NHS: variants seen among roughly 807,000 people sequenced by gnomAD.
NHS encodes the protein NHS actin remodeling regulator.
A neutral mutation model predicts 72.5 loss-of-function variants in NHS; 5 were observed. That is an observed-to-expected ratio of 0.07 (90% CI 0.04 to 0.14). The LOEUF (loss-of-function observed/expected upper bound fraction) is 0.14, where lower values mean the gene tolerates loss of function less well. Ranked by LOEUF, NHS falls within the 10% of genes least tolerant of loss-of-function variation. NHS has a pLI of 1.00. For missense variants in NHS, 1,072 were observed against 1,355.7 expected, an observed-to-expected ratio of 0.79 and a Z score of 3.29; for synonymous variants, 464 against 547.7, an observed-to-expected ratio of 0.85 and a Z score of 2.13.
chrX:17,628,229 T>G (rs1308637650), intron 1 of NHS, among the ~76,000 whole-genome samples: 3 of 112,396 alleles, frequency 2.7e-5, no homozygotes, highest in Non-Finnish European at 5.6e-5. Context: ...CTCTGCCAAG[T>G]GGAAGGTTCC....
chrX:17,729,535 A>C (rs2066473520), intron 8 of NHS, among the ~76,000 whole-genome samples: 1 of 112,182 alleles, frequency 8.9e-6, no homozygotes, highest in African/African-American at 3.2e-5. Flanking sequence ...CCCCAAAATT[A>C]ATGCCCATAT....
chrX:17,571,583 GTCTA>G (rs745456591), intron 1 of NHS, among the ~76,000 whole-genome samples: 42 of 111,543 alleles, frequency 3.8e-4, no homozygotes, highest in African/African-American at 6.5e-4. Context: ...CTTGCTAGTG[GTCTA>G]TCTGTTTTGT....
At chrX:17,630,867 A>T (rs1305704768) in intron 1 of NHS, among the ~76,000 whole-genome samples, 1 of 111,990 alleles carries the variant, frequency 8.9e-6, no homozygotes, top group Non-Finnish European at 1.9e-5. Flanking sequence ...CTTTAAAAAT[A>T]CAGATTCCCA....
chrX:17,557,417 A>G (rs1254662080), intron 1 of NHS: 1 of 109,204 alleles, frequency 9.2e-6, no homozygotes, highest in Non-Finnish European at 1.9e-5. Context: ...TGATGAAGGT[A>G]GAATACAAGG....
At chrX:17,685,005 C>A (rs1303584032) in intron 1 of NHS, among the ~76,000 whole-genome samples, 2 of 112,254 alleles carry the variant, frequency 1.8e-5, no homozygotes, top group African/African-American at 6.5e-5. Flanking sequence ...CATGGTGAAC[C>A]CGAAGATGCA....
chrX:17,386,149 C>T (rs2064406989), intron 1 of NHS, among the ~76,000 whole-genome samples: 1 of 112,088 alleles, frequency 8.9e-6, no homozygotes, highest in Non-Finnish European at 1.9e-5. Flanking sequence ...GTTCTGGTGT[C>T]TCATGTCATA....
chrX:17,717,888 T>C (rs2066373726), intron 3 of NHS, among the ~76,000 whole-genome samples: 1 of 111,759 alleles, frequency 8.9e-6, no homozygotes, highest in Non-Finnish European at 1.9e-5. Context: ...AATAAATAAA[T>C]AAAATCACTC....
At chrX:17,681,938 C>G (rs1013651288) in intron 1 of NHS, among the ~76,000 whole-genome samples, 6 of 111,185 alleles carry the variant, frequency 5.4e-5, no homozygotes, top group African/African-American at 2.0e-4. Context: ...CATGAGACAC[C>G]TCATCCATAG....
intron 1 of NHS, among the ~76,000 whole-genome samples, chrX:17,648,123 G>A (rs948408419): frequency 8.9e-6 from 1 of 111,959 alleles, no homozygotes; most frequent in African/African-American, 3.2e-5. Context: ...AAGTCACCCA[G>A]TACTTAGTGG....
At chrX:17,620,996 T>C (rs970775619) in intron 1 of NHS, among the ~76,000 whole-genome samples, 1 of 111,574 alleles carries the variant, frequency 9.0e-6, no homozygotes, top group South Asian at 3.8e-4. Flanking sequence ...TGGGTAGCCA[T>C]GAGAGAGATT....
At chrX:17,619,245 G>C (rs773552358) in intron 1 of NHS, among the ~76,000 whole-genome samples, 1 of 112,426 alleles carries the variant, frequency 8.9e-6, no homozygotes, top group Non-Finnish European at 1.9e-5. Flanking sequence ...CACTAGGCCT[G>C]TTGGAGAAGG....
At chrX:17,506,569 G>A (rs868569818) in intron 1 of NHS, among the ~76,000 whole-genome samples, 2 of 104,864 alleles carry the variant, frequency 1.9e-5, no homozygotes. Flanking sequence ...AAATAAATAA[G>A]TAAATAAATT....
At chrX:17,432,208 G>A (rs896894337) in intron 1 of NHS, among the ~76,000 whole-genome samples, 9 of 112,511 alleles carry the variant, frequency 8.0e-5, no homozygotes, top group Non-Finnish European at 1.7e-4. Context: ...TGGTTGTTGG[G>A]AGGATTAAAT....
intron 1 of NHS, among the ~76,000 whole-genome samples, chrX:17,538,404 C>T (rs1444883148): frequency 1.8e-5 from 2 of 111,620 alleles, no homozygotes; most frequent in Non-Finnish European, 3.8e-5. Flanking sequence ...AGGAAGCTGA[C>T]ATAGGTGCAC....
chrX:17,715,304 C>A (rs1395405025), intron 3 of NHS, among the ~76,000 whole-genome samples: 1 of 112,458 alleles, frequency 8.9e-6, no homozygotes, highest in African/African-American at 3.2e-5. Flanking sequence ...TGAGTTACTT[C>A]ACTTAGAATA....
At chrX:17,608,144 G>A (rs1198920664) in intron 1 of NHS, among the ~76,000 whole-genome samples, 1 of 109,582 alleles carries the variant, frequency 9.1e-6, no homozygotes, top group East Asian at 2.9e-4. Context: ...TGAACTTCTG[G>A]GCTTGAGCGA....
chrX:17,544,537 A>G (rs1357680446), intron 1 of NHS, among the ~76,000 whole-genome samples: 1 of 111,701 alleles, frequency 9.0e-6, no homozygotes, highest in Non-Finnish European at 1.9e-5. Context: ...TTTGAGATAG[A>G]GTCTCTGTCT....
chrX:17,591,968 C>T (rs1034474664), intron 1 of NHS, among the ~76,000 whole-genome samples: 3 of 110,982 alleles, frequency 2.7e-5, no homozygotes, highest in African/African-American at 9.9e-5. Context: ...TGTGTGTTTG[C>T]ATCATACTGC....
At chrX:17,711,872 T>A (rs1217362078) in intron 3 of NHS, among the ~76,000 whole-genome samples, 1 of 111,811 alleles carries the variant, frequency 8.9e-6, no homozygotes, top group East Asian at 2.8e-4. Flanking sequence ...GTCAGGTTGT[T>A]TCTAGTTGTG....
Sources: gnomAD v4.1 joint callset for allele counts (sites outside exome capture counted in the v4.1 genomes callset) on GRCh38, gnomAD v4.1.1 for gene constraint, MANE v1.5 for transcripts, NCBI Gene and HGNC (gene_info 2026-07-23, HGNC 2026-07-21) for gene names.